PRDM1: variants seen among roughly 807,000 people sequenced by gnomAD.
PRDM1 encodes PR/SET domain 1.
PRDM1 carries 13 observed loss-of-function variants against 62.8 expected under a neutral mutation model. The ratio of observed to expected loss-of-function variants is 0.21; its 90% CI spans 0.13 to 0.33. The LOEUF (loss-of-function observed/expected upper bound fraction) is 0.33, where lower values mean the gene tolerates loss of function less well. Ranked by LOEUF, PRDM1 falls within the 10% of genes least tolerant of loss-of-function variation. The pLI, the probability that PRDM1 is intolerant of heterozygous loss-of-function variation, is 1.00. For missense variants in PRDM1, 895 were observed against 1,058.8 expected, an observed-to-expected ratio of 0.85 and a Z score of 2.15; for synonymous variants, 396 against 417.6, an observed-to-expected ratio of 0.95 and a Z score of 0.63.
At chr6:106,013,207 A>G (rs1772578121) in intron 1 of PRDM1, among the ~76,000 whole-genome samples, 1 of 151,734 alleles carries the variant, frequency 6.6e-6, no homozygotes. Flanking sequence ...ACAGATCATC[A>G]ATAATTGCAG....
chr6:106,041,733 T>C (rs1773001388), intron 1 of PRDM1, among the ~76,000 whole-genome samples: 1 of 151,864 alleles, frequency 6.6e-6, no homozygotes, highest in South Asian at 2.1e-4. Flanking sequence ...AATAGAACCA[T>C]CCATAATTCC....
Position 106,106,890 on chromosome 6 carries a change from T to C in PRDM1, c.1903-21T>C. The C allele has an allele frequency of 6.3e-7, 1 of 1,590,522 alleles. No individual in the cohort carries two copies. Reference sequence around the variant, plus strand: ...GCCTTCCTGTCTCCCTTCCCTGCTGTCTCTCTCCCCTACACTGTAGGTCTG... The same window carrying C: ...GCCTTCCTGTCTCCCTTCCCTGCTGCCTCTCTCCCCTACACTGTAGGTCTG... On this transcript the variant is annotated intron_variant, in intron 6 of 6. Coordinates refer to ENST00000369096, the MANE Select transcript of PRDM1 (RefSeq NM_001198.4). This position sits in a 1 kb window ranked among gnomAD's most constrained non-coding sequence, Gnocchi z 4.4.
At chr6:106,038,853 C>G (rs1172444798) in intron 1 of PRDM1, among the ~76,000 whole-genome samples, 1 of 152,140 alleles carries the variant, frequency 6.6e-6, no homozygotes, top group African/African-American at 2.4e-5. Flanking sequence ...TGCATGAGTT[C>G]CAAAATAGTT....
chr6:106,071,796 G>C (rs1582450204), intron 1 of PRDM1, among the ~76,000 whole-genome samples: 1 of 152,176 alleles, frequency 6.6e-6, no homozygotes, highest in East Asian at 1.9e-4. Context: ...TTGGAAGGGA[G>C]GGTGGGTGAG....
intron 1 of PRDM1, among the ~76,000 whole-genome samples, chr6:106,069,174 G>A (rs1190477922): frequency 6.6e-6 from 1 of 152,124 alleles, no homozygotes; most frequent in Non-Finnish European, 1.5e-5. Flanking sequence ...TTAGCACAGG[G>A]TCCAATCAAT....
upstream of PRDM1, among the ~76,000 whole-genome samples, chr6:106,085,778 TA>T (rs2114613182): frequency 6.8e-6 from 1 of 146,806 alleles, no homozygotes; most frequent in South Asian, 2.1e-4. Context: ...CCCTATTTAC[TA>T]AATAGTTAAA....
rs1231392024 is a variant in PRDM1 at position 106,104,855 on chromosome 6, G to A, written c.695G>A (p.Ser232Asn). The change falls in exon 5 of 7, where the codon AGC (serine) becomes AAC (asparagine). Residue 232 changes from serine to asparagine, a missense_variant. Ser to Asn is a conservative substitution (Grantham distance 46). Around this residue, in one of 4 missense-constraint regions of PRDM1, gnomAD observed 444 missense variants for 422.7 expected, o/e 1.05. Transcript: ENST00000369096. ...ACACAGAGCAGTCTAAAGCAACCGA[G>A]CACTGAGAAAAATGAACTCTGCCCA... ...TQTQSSLKQP[S>N]TEKNELCPKN... is the part of the protein sequence containing the mutation. 11 of 1,613,846 alleles carry A rather than the reference G, an allele frequency of 6.8e-6. No homozygotes were observed. Among genetic ancestry groups the A allele is most frequent in the African/African-American group, 2.7e-5 (2 of 74,842 alleles).
At chr6:106,093,287 C>A (rs1053836198) in intron 2 of PRDM1, among the ~76,000 whole-genome samples, 37 of 152,168 alleles carry the variant, frequency 2.4e-4, no homozygotes, top group African/African-American at 7.7e-4. Context: ...GAGGCCCATT[C>A]TGTAAAAGAA....
At chr6:106,099,004 G>T (rs1374324569) in intron 3 of PRDM1, 1 of 1,593,792 alleles carries the variant, frequency 6.3e-7, no homozygotes, top group South Asian at 1.1e-5. Flanking sequence ...TGGGTTAATC[G>T]GTTTGAGGCA....
At chr6:106,012,870 A>G (rs535317860) in intron 1 of PRDM1, among the ~76,000 whole-genome samples, 2 of 152,372 alleles carry the variant, frequency 1.3e-5, no homozygotes. Context: ...TTAATTTGTC[A>G]GATGGCTGAA....
At chr6:106,020,653 C>T (rs182937207) in intron 1 of PRDM1, among the ~76,000 whole-genome samples, 3 of 152,228 alleles carry the variant, frequency 2.0e-5, no homozygotes, top group Non-Finnish European at 4.4e-5. Flanking sequence ...CTATTATGCA[C>T]CCCCCACCAT....
Position 106,106,469 on chromosome 6 carries a change from A to C in PRDM1, c.1872A>C (p.Val624=). ...CCCACCTGCAGAAACACTACCTGGTACACACGGGAGAAAAGCCACATGAAT... is the reference window on the plus strand; with the variant it reads ...CCCACCTGCAGAAACACTACCTGGTCCACACGGGAGAAAAGCCACATGAAT... The part of the protein sequence containing the change: ...QLAHLQKHYL[V]HTGEKPHECQ... Residue 624 remains valine, a synonymous_variant, in exon 6 of 7, where the codon GTA becomes GTC. Coordinates refer to ENST00000369096, the MANE Select transcript of PRDM1 (RefSeq NM_001198.4). This position sits in a 1 kb window ranked among gnomAD's most constrained non-coding sequence, Gnocchi z 4.4. 1 of 1,614,192 alleles carries C rather than the reference A, an allele frequency of 6.2e-7. No individual in the cohort carries two copies. Among genetic ancestry groups the C allele is most frequent in the Non-Finnish European group, 8.5e-7 (1 of 1,180,026 alleles).
At chr6:106,025,202 T>A (rs1245290589) in intron 1 of PRDM1, among the ~76,000 whole-genome samples, 1 of 152,208 alleles carries the variant, frequency 6.6e-6, no homozygotes, top group Admixed American at 6.5e-5. Flanking sequence ...GATGGAGACC[T>A]TATGTCAAGT....
chr6:106,026,045 G>A (rs1284465422), intron 1 of PRDM1, among the ~76,000 whole-genome samples: 1 of 152,114 alleles, frequency 6.6e-6, no homozygotes, highest in Non-Finnish European at 1.5e-5. Flanking sequence ...AGGTACTTAG[G>A]ATGGTTTACT....
chr6:106,026,765 T>A (rs944742033), intron 1 of PRDM1, among the ~76,000 whole-genome samples: 1 of 152,184 alleles, frequency 6.6e-6, no homozygotes, highest in Non-Finnish European at 1.5e-5. Context: ...TGTGTGTTTG[T>A]AGAAAGGAGA....
At chr6:106,070,947 AATGAC>A (rs1773505259) in intron 1 of PRDM1, among the ~76,000 whole-genome samples, 1 of 152,222 alleles carries the variant, frequency 6.6e-6, no homozygotes. Flanking sequence ...CATGATTTGT[AATGAC>A]ATGTTTGAAC....
intron 1 of PRDM1, among the ~76,000 whole-genome samples, chr6:106,050,341 C>T (rs1773153503): frequency 6.6e-6 from 1 of 152,206 alleles, no homozygotes; most frequent in Admixed American, 6.5e-5. Context: ...ACTATATTAT[C>T]TCTAAGGTTC....
rs1774497862 is a variant in PRDM1 at position 106,106,579 on chromosome 6, C to T, written c.1902+80C>T. The T allele has an allele frequency of 3.8e-6, 6 of 1,568,962 alleles. No homozygotes were observed. The South Asian group carries it at 4.6e-5, about 12-fold the overall frequency. On this transcript the variant is annotated intron_variant, in intron 6 of 6. Coordinates refer to ENST00000369096, the MANE Select transcript of PRDM1 (RefSeq NM_001198.4). This position sits in a 1 kb window ranked among gnomAD's most constrained non-coding sequence, Gnocchi z 4.4. ...TCACCCTCCCATGTCCTATATAGCC[C>T]GTAGTTAAAGCCAACACCAGATTCT...
intron 1 of PRDM1, among the ~76,000 whole-genome samples, chr6:106,058,779 A>G (rs1773301686): frequency 6.6e-6 from 1 of 152,132 alleles, no homozygotes; most frequent in African/African-American, 2.4e-5. Flanking sequence ...CATGTTGGTC[A>G]GGCTGGTCTT....
Sources: allele counts gnomAD v4.1 joint callset (sites outside exome capture counted in the v4.1 genomes callset), GRCh38; gene constraint gnomAD v4.1.1; regional missense constraint gnomAD v4.1.1; non-coding constraint Gnocchi (gnomAD v3.1); transcripts MANE v1.5; gene names NCBI Gene and HGNC (gene_info 2026-07-23, HGNC 2026-07-21).